The following PLA2G6 variants were observed in gnomAD, a reference collection of about 807,000 sequenced individuals.
PLA2G6 encodes 85/88 kDa calcium-independent phospholipase A2.
In PLA2G6, 62 loss-of-function variants were observed where a neutral mutation model predicts 83.8. The observed-to-expected ratio is 0.74, with a 90% confidence interval of 0.60 to 0.91. PLA2G6 has a LOEUF of 0.91. PLA2G6 is among the 40% of genes least tolerant of loss of function. The pLI is 0.00. For missense variants in PLA2G6, 944 were observed against 1,102.0 expected, an observed-to-expected ratio of 0.86 and a Z score of 2.03; for synonymous variants, 417 against 449.8, an observed-to-expected ratio of 0.93 and a Z score of 0.92.
chr22:38,145,032 CTTTTTT>C (rs968832533), intron 3 of PLA2G6: 36 of 192,598 alleles, frequency 1.9e-4, no homozygotes, highest in South Asian at 4.5e-4. Flanking sequence ...AACGCAGCAC[CTTTTTT>C]TTTTTTTTTT....
chr22:38,139,872 G>A, intron 5 of PLA2G6, 110 bp downstream of exon 5: 1 of 905,386 alleles, frequency 1.1e-6, no homozygotes, highest in Non-Finnish European at 1.8e-6. Context: ...CTGCTCTGAG[G>A]CTGGAGATGC....
chr22:38,178,155 T>C (rs146295669), intron 1 of PLA2G6, among the ~76,000 whole-genome samples: 1 of 152,318 alleles, frequency 6.6e-6, no homozygotes, highest in Non-Finnish European at 1.5e-5. Flanking sequence ...CAGGGGTGAC[T>C]TTAAGAGATC....
intron 1 of PLA2G6, among the ~76,000 whole-genome samples, chr22:38,176,273 T>C (rs762985997): frequency 1.3e-5 from 2 of 152,172 alleles, no homozygotes; most frequent in Non-Finnish European, 2.9e-5. Context: ...TTCTGCTTCC[T>C]TCTTGACTAA....
chr22:38,111,664 G>T lies in PLA2G6; in HGVS notation c.*497C>A. 1 of 213,034 alleles carries T rather than the reference G, an allele frequency of 4.7e-6. No individual in the cohort carries two copies. Among genetic ancestry groups the T allele is most frequent in the South Asian group, 6.8e-5 (1 of 14,650 alleles). 13.2% of individuals were successfully genotyped at this position (213,034 alleles called of 1,614,324 possible). Reference sequence around the variant, plus strand: ...GTCCAACGGGCATCCCACTCCTGCGGCCTGGGCTTTCCCAGCTGATGGGGT... The same window carrying T: ...GTCCAACGGGCATCCCACTCCTGCGTCCTGGGCTTTCCCAGCTGATGGGGT... On this transcript the variant is annotated 3_prime_UTR_variant, in exon 17 of 17. Coordinates refer to ENST00000332509, the MANE Select transcript of PLA2G6 (RefSeq NM_003560.4).
intron 1 of PLA2G6, among the ~76,000 whole-genome samples, chr22:38,179,644 A>G (rs2145977608): frequency 6.6e-6 from 1 of 152,274 alleles, no homozygotes; most frequent in South Asian, 2.1e-4. Flanking sequence ...TTAGTTGGGC[A>G]TGATGGCGCA....
At chr22:38,145,352 T>C (rs958853860) in intron 3 of PLA2G6, 86 bp downstream of exon 3, 1 of 1,138,160 alleles carries the variant, frequency 8.8e-7, no homozygotes, top group South Asian at 1.3e-5. Flanking sequence ...AGTCAAACTA[T>C]GGAGGGGAAC....
At position 38,115,672 on chromosome 22, in the gene PLA2G6, A is replaced by T. The variant is rs1226320099; in HGVS notation, c.1889T>A (p.Val630Glu). 1.9e-6 allele frequency: 3 copies of T among 1,601,090 alleles called. No homozygotes were observed. The highest frequency in any genetic ancestry group is 2.6e-6 in the Non-Finnish European group (3 of 1,175,040). The change falls in exon 14 of 17, where the codon GTG (valine) becomes GAG (glutamate). Residue 630 changes from valine (V) to glutamate (E), a missense_variant. Transcript: ENST00000332509. ...RPPAQPSDQL[V>E]WRAARSSGAA... The stretch of plus-strand genomic sequence containing the variant: ...CCCGCTGCTTCGGGCCGCCCGCCAC[A>T]CCAGCTGGTCTAGGGGCGGGGAAGG...
Position 38,123,126 on chromosome 22 carries a change from A to G in PLA2G6, c.1560T>C (p.Thr520=). The part of the protein sequence containing the change: ...DLFDWVAGTS[T]GGILALAILH... ...GAATGGCCAGGGCCAGGATGCCTCC[A>G]GTGCTGGTGCCCGCCACCCAGTCAA... Residue 520 remains threonine, a synonymous_variant, in exon 11 of 17, where the codon ACT becomes ACC. Coordinates refer to ENST00000332509, the MANE Select transcript of PLA2G6 (RefSeq NM_003560.4). This position sits in a 1 kb window ranked among gnomAD's most constrained non-coding sequence, Gnocchi z 4.1. 6.5e-7 allele frequency: 1 copy of G among 1,549,826 alleles called. No homozygotes were observed. Among genetic ancestry groups the G allele is most frequent in the Non-Finnish European group, 8.7e-7 (1 of 1,147,228 alleles).
Position 38,116,032 on chromosome 22 carries a change from C to T in PLA2G6, c.1879+43G>A, listed in dbSNP as rs377758705. 76 of 1,609,440 alleles carry T rather than the reference C, an allele frequency of 4.7e-5. No individual in the cohort carries two copies. In the African/African-American group the frequency reaches 9.1e-4, roughly 19 times the overall value. On this transcript the variant is annotated intron_variant, in intron 13 of 16. Coordinates refer to ENST00000332509, the MANE Select transcript of PLA2G6 (RefSeq NM_003560.4). ...TCCCACCCACCACCCCACAGCCTCTCGGGCCAGTCGCTTCCCATGGATGCA... is the reference window on the plus strand; with the variant it reads ...TCCCACCCACCACCCCACAGCCTCTTGGGCCAGTCGCTTCCCATGGATGCA...
intron 12 of PLA2G6, chr22:38,116,483 G>T: frequency 1.6e-6 from 1 of 615,828 alleles, no homozygotes; most frequent in Admixed American, 2.2e-5. Flanking sequence ...TTGCAAGACT[G>T]ATAAAACATG....
At chr22:38,148,390 G>A in intron 2 of PLA2G6, 1 of 658,760 alleles carries the variant, frequency 1.5e-6, no homozygotes, top group Admixed American at 2.4e-5. Context: ...ACTAGGGAAT[G>A]TGAAACAGAC....
chr22:38,179,180 G>A (rs1324254935), intron 1 of PLA2G6, among the ~76,000 whole-genome samples: 1 of 152,222 alleles, frequency 6.6e-6, no homozygotes, highest in Non-Finnish European at 1.5e-5. Flanking sequence ...AGGCCATGGG[G>A]CTGGAACATG....
At position 38,145,591 on chromosome 22, in the gene PLA2G6, A is replaced by C; in HGVS notation, c.272T>G (p.Leu91Arg). The change falls in exon 3 of 17, where the codon CTG becomes CGG. Residue 91 changes from leucine (L) to arginine (R), a missense_variant. Leu to Arg is a moderately radical substitution (Grantham distance 102). Transcript: ENST00000332509. Reference protein sequence around the residue: ...LVNFHQYSSQLLPFYESSPQV... With the variant: ...LVNFHQYSSQRLPFYESSPQV... Reference sequence around the variant, plus strand: ...AGGGGAGCTCTCATAGAAGGGTAGCAGCTGGGAAGAATACTGATGGAAATT... The same window carrying C: ...AGGGGAGCTCTCATAGAAGGGTAGCCGCTGGGAAGAATACTGATGGAAATT... 6.2e-7 allele frequency: 1 copy of C among 1,613,960 alleles called. No homozygotes were observed.
intron 6 of PLA2G6, chr22:38,134,116 C>A (rs1188666357): frequency 6.6e-6 from 1 of 152,170 alleles, no homozygotes; most frequent in Non-Finnish European, 1.5e-5. Context: ...AGCCTCCCAG[C>A]CTACATCTTT....
chr22:38,180,308 C>T (rs133029), intron 1 of PLA2G6: 16,163 of 152,160 alleles, frequency 0.11, 948 homozygotes, highest in South Asian at 0.17. Flanking sequence ...CAAGAAGTGT[C>T]CTAAACAGTA....
chr22:38,166,956 A>G (rs1448180891), intron 2 of PLA2G6, among the ~76,000 whole-genome samples: 1 of 151,284 alleles, frequency 6.6e-6, no homozygotes, highest in Non-Finnish European at 1.5e-5. Flanking sequence ...ATACTTAAAA[A>G]CATCCTGTAA....
At position 38,113,595 on chromosome 22, in the gene PLA2G6, G is replaced by A; in HGVS notation, c.2094C>T (p.Ser698=). The A allele has an allele frequency of 1.2e-6, 2 of 1,613,720 alleles. No individual in the cohort carries two copies. Among genetic ancestry groups the A allele is most frequent in the Non-Finnish European group, 1.7e-6 (2 of 1,179,800 alleles). Residue 698 remains serine, a synonymous_variant, in exon 15 of 17, where the codon TCC becomes TCT. Coordinates refer to ENST00000332509, the MANE Select transcript of PLA2G6 (RefSeq NM_003560.4). ...CCACACAGGTCACAGGCACTTGTGG[G>A]GACCTCCCTGTCCCCAGGGAGACAA... The part of the protein sequence containing the change: ...SIVVSLGTGR[S]PQVPVTCVDV...
In PLA2G6 at chr22:38,112,361, C is replaced by T. The variant is rs41274545; in HGVS notation, c.2277-56G>A. On this transcript the variant is annotated intron_variant, in intron 16 of 16. Coordinates refer to ENST00000332509, the MANE Select transcript of PLA2G6 (RefSeq NM_003560.4). ...TAGGATGCTCAGGCTGGGCAGGGGACGCCAGCTAGGACCAGGGTGGGCTTG... is the reference window on the plus strand; with the variant it reads ...TAGGATGCTCAGGCTGGGCAGGGGATGCCAGCTAGGACCAGGGTGGGCTTG... 3,109 of 1,593,346 alleles carry T rather than the reference C, an allele frequency of 2.0e-3. 5 individuals are homozygous for T. Among genetic ancestry groups the T allele is most frequent in the Non-Finnish European group, 2.4e-3 (2,749 of 1,167,786 alleles).
chr22:38,139,542 C>T (rs1285245777), intron 5 of PLA2G6: 7 of 160,138 alleles, frequency 4.4e-5, no homozygotes, highest in South Asian at 1.7e-4. Flanking sequence ...TCAACCGATT[C>T]TCCTGCCTCA....
Sources: gnomAD v4.1 joint callset for allele counts (sites outside exome capture counted in the v4.1 genomes callset) on GRCh38, gnomAD v4.1.1 for gene constraint, Gnocchi (gnomAD v3.1) non-coding constraint, MANE v1.5 for transcripts, NCBI Gene and HGNC (gene_info 2026-07-23, HGNC 2026-07-21) for gene names.